The following TEX14 variants were observed in gnomAD, a reference collection of about 807,000 sequenced individuals.
The protein encoded by TEX14 is inactive serine/threonine-protein kinase TEX14.
In TEX14, 168 loss-of-function variants were observed where a neutral mutation model predicts 178.6. The ratio of observed to expected loss-of-function variants is 0.94; its 90% confidence interval spans 0.83 to 1.07. The LOEUF (loss-of-function observed/expected upper bound fraction) is 1.07, where lower values mean the gene tolerates loss of function less well. Among genes scored for constraint, TEX14 ranks in the 50% least tolerant of loss-of-function variants. The probability of loss-of-function intolerance (pLI) is 0.00; values close to 1 mark genes in which losing one functional copy is unlikely to be tolerated. For missense variants in TEX14, 1,730 were observed against 1,753.6 expected, an observed-to-expected ratio of 0.99 and a Z score of 0.24; for synonymous variants, 626 against 634.1, an observed-to-expected ratio of 0.99 and a Z score of 0.19.
At chr17:58,564,773 AC>A in intron 28 of TEX14, 95 bp downstream of exon 28, 1 of 685,328 alleles carries the variant, frequency 1.5e-6, no homozygotes, top group Non-Finnish European at 2.3e-6. Context: ...AAAAGACCCC[AC>A]TTTTTTTCTT....
intron 17 of TEX14, 56 bp from the exon 18 acceptor site, chr17:58,586,138 G>A (rs2044967011): frequency 6.6e-7 from 1 of 1,522,712 alleles, no homozygotes; most frequent in African/African-American, 1.4e-5. Context: ...GGAAACACAG[G>A]CTTTCATCTA....
chr17:58,608,469 C>T (rs2045666916), intron 10 of TEX14, among the ~76,000 whole-genome samples: 1 of 150,822 alleles, frequency 6.6e-6, no homozygotes, highest in Non-Finnish European at 1.5e-5. Flanking sequence ...GTAGTCCCAG[C>T]TACTCAGGAA....
chr17:58,579,282 G>T (rs2044753297), intron 20 of TEX14, among the ~76,000 whole-genome samples: 1 of 152,218 alleles, frequency 6.6e-6, no homozygotes, highest in African/African-American at 2.4e-5. Context: ...TTCTAATTTT[G>T]TTATGTTAAT....
At chr17:58,598,814 C>T (rs1488455024) in intron 14 of TEX14, 62 bp downstream of exon 14, 80 of 1,443,872 alleles carry the variant, frequency 5.5e-5, no homozygotes, top group Non-Finnish European at 7.1e-5. Flanking sequence ...GAAAGGTTTC[C>T]AGCCACAACC....
In TEX14 at chr17:58,573,801, G is replaced by A. The variant is rs565057618; in HGVS notation, c.3383+386C>T. Among the ~76,000 whole-genome samples the A allele has an allele frequency of 2.6e-5, 4 of 152,290 alleles. No homozygotes were observed. The East Asian group carries it at 5.8e-4, about 22-fold the overall frequency. On this transcript the variant is annotated intron_variant, in intron 22 of 31. Transcript: ENST00000349033. ...CCCAAAGTGCTGGGATTACAGGCAT[G>A]AGCCACCACACCTGGCACCATAGAG...
intron 1 of TEX14, among the ~76,000 whole-genome samples, chr17:58,662,476 A>G (rs896359160): frequency 1.3e-5 from 2 of 151,896 alleles, no homozygotes; most frequent in African/African-American, 4.8e-5. Context: ...CTACATGACC[A>G]AATTATGACT....
chr17:58,592,524 C>T (rs535049661), intron 15 of TEX14, among the ~76,000 whole-genome samples: 303 of 151,508 alleles, frequency 2.0e-3, no homozygotes, highest in Non-Finnish European at 1.2e-3. Flanking sequence ...TTAGTAGAGA[C>T]GGGGTGTCAC....
intron 9 of TEX14, 43 bp from the exon 10 acceptor site, chr17:58,611,382 G>A: frequency 2.8e-6 from 4 of 1,428,928 alleles, no homozygotes; most frequent in African/African-American, 1.4e-5. Context: ...AAAAGGACTG[G>A]GGCCCTGACA....
chr17:58,663,225 C>G (rs1210132810), intron 1 of TEX14, among the ~76,000 whole-genome samples: 1 of 151,764 alleles, frequency 6.6e-6, no homozygotes, highest in Non-Finnish European at 1.5e-5. Flanking sequence ...GAGTTCAAGA[C>G]CATCCTGACT....
chr17:58,625,358 T>C (rs908893048), intron 3 of TEX14, among the ~76,000 whole-genome samples: 4 of 152,020 alleles, frequency 2.6e-5, no homozygotes, highest in Non-Finnish European at 5.9e-5. Flanking sequence ...TGGTCTCAAA[T>C]TCCTGACCTC....
chr17:58,691,480 A>G (rs962543530), intron 1 of TEX14, among the ~76,000 whole-genome samples: 6 of 151,872 alleles, frequency 4.0e-5, no homozygotes, highest in African/African-American at 1.4e-4. Context: ...CAGCCTGGCC[A>G]ATATGGTGAA....
chr17:58,681,421 G>C (rs2047499085), intron 1 of TEX14, among the ~76,000 whole-genome samples: 1 of 152,142 alleles, frequency 6.6e-6, no homozygotes, highest in South Asian at 2.1e-4. Context: ...TGTTCTGACA[G>C]TCTATCAGTT....
At chr17:58,574,329 T>G (rs1461964832) in intron 21 of TEX14, 80 bp from the exon 22 acceptor site, 43 of 1,087,944 alleles carry the variant, frequency 4.0e-5, no homozygotes, top group Non-Finnish European at 5.8e-5. Context: ...AAGGAACCAG[T>G]TGATCAGCCC....
intron 5 of TEX14, among the ~76,000 whole-genome samples, chr17:58,620,196 G>C (rs555617252): frequency 1.2e-4 from 18 of 152,226 alleles, no homozygotes; most frequent in Non-Finnish European, 2.2e-4. Context: ...GGAGATGAAG[G>C]GGGAGGGCTT....
intron 14 of TEX14, among the ~76,000 whole-genome samples, chr17:58,596,011 C>T (rs1047888674): frequency 6.6e-6 from 1 of 152,030 alleles, no homozygotes; most frequent in Non-Finnish European, 1.5e-5. Flanking sequence ...GGTAAAACCC[C>T]CTCTCTACTA....
chr17:58,559,324 G>T, intron 30 of TEX14, 129 bp downstream of exon 30: 1 of 572,846 alleles, frequency 1.7e-6, no homozygotes, highest in Non-Finnish European at 3.1e-6. Flanking sequence ...GAGCTGAACT[G>T]CAGAGAAAAA....
intron 19 of TEX14, 114 bp downstream of exon 19, chr17:58,584,386 A>T: frequency 2.8e-6 from 2 of 707,564 alleles, no homozygotes; most frequent in Non-Finnish European, 4.9e-6. Context: ...CACATGCTCC[A>T]GCCAAAAAGA....
chr17:58,646,796 C>G (rs896462253), intron 2 of TEX14, among the ~76,000 whole-genome samples: 2 of 152,138 alleles, frequency 1.3e-5, no homozygotes, highest in African/African-American at 4.8e-5. Context: ...TCTGTTTCTT[C>G]TGTTAGATTA....
At chr17:58,674,832 G>A (rs2047366643) in intron 1 of TEX14, among the ~76,000 whole-genome samples, 1 of 149,100 alleles carries the variant, frequency 6.7e-6, no homozygotes, top group Admixed American at 6.7e-5. Context: ...CTTCGATGAG[G>A]CCTTTGGAAA....
Sources: allele counts gnomAD v4.1 joint callset (sites outside exome capture counted in the v4.1 genomes callset), GRCh38; gene constraint gnomAD v4.1.1; transcripts MANE v1.5; gene names NCBI Gene and HGNC (gene_info 2026-07-23, HGNC 2026-07-21).